ZC3H12B: variants seen among roughly 807,000 people sequenced by gnomAD.
The protein encoded by ZC3H12B is probable ribonuclease ZC3H12B.
Under a neutral mutation model 43.9 loss-of-function variants are expected in ZC3H12B, and 7 were observed. That is an observed-to-expected ratio of 0.16 (90% CI 0.09 to 0.30). The LOEUF (loss-of-function observed/expected upper bound fraction) is 0.30, where lower values mean the gene tolerates loss of function less well. Among genes scored for constraint, ZC3H12B ranks in the 10% least tolerant of loss-of-function variants. The probability of loss-of-function intolerance (pLI) is 1.00; values close to 1 mark genes in which losing one functional copy is unlikely to be tolerated. For missense variants in ZC3H12B, 475 were observed against 670.2 expected (o/e 0.71, Z 3.22); for synonymous variants, 222 against 241.7 (o/e 0.92, Z 0.76).
At chrX:65,340,958 A>C in the ZC3H12B span, among the ~76,000 whole-genome samples, 1 of 112,410 alleles carries the variant, frequency 8.9e-6, no homozygotes, top group Admixed American at 9.4e-5. Flanking sequence ...CTAAAAATCA[A>C]AATAAAATGG....
At chrX:65,119,636 A>G in the ZC3H12B span, among the ~76,000 whole-genome samples, 1 of 111,330 alleles carries the variant, frequency 9.0e-6, no homozygotes, top group Non-Finnish European at 1.9e-5. Flanking sequence ...GCAGTGCACA[A>G]TCTCTTTAGT....
the ZC3H12B span, among the ~76,000 whole-genome samples, chrX:65,107,692 A>G: frequency 9.1e-6 from 1 of 110,337 alleles, no homozygotes; most frequent in African/African-American, 3.3e-5. Context: ...TTCTCACGAG[A>G]TCTGATGGTT....
At chrX:65,249,720 A>G in the ZC3H12B span, among the ~76,000 whole-genome samples, 1 of 106,862 alleles carries the variant, frequency 9.4e-6, no homozygotes, top group East Asian at 3.0e-4. Context: ...TGTGTTGTCT[A>G]TGATTTCTTT....
At chrX:65,069,197 C>T in the ZC3H12B span, among the ~76,000 whole-genome samples, 93 of 107,235 alleles carry the variant, frequency 8.7e-4, 2 homozygotes, top group African/African-American at 2.0e-3. Context: ...CTGTTATTAT[C>T]GCTATGAATC....
chrX:65,296,319 A>T, the ZC3H12B span, among the ~76,000 whole-genome samples: 4 of 110,921 alleles, frequency 3.6e-5, no homozygotes, highest in African/African-American at 1.3e-4. Context: ...GGAAGCAAAG[A>T]CATAAGGATA....
the ZC3H12B span, among the ~76,000 whole-genome samples, chrX:65,204,938 T>G: frequency 8.9e-6 from 1 of 112,039 alleles, no homozygotes; most frequent in Non-Finnish European, 1.9e-5. Context: ...AGCAAGATCT[T>G]ATTTTTAAGA....
chrX:65,268,637 A>T, the ZC3H12B span, among the ~76,000 whole-genome samples: 8 of 112,714 alleles, frequency 7.1e-5, no homozygotes, highest in Non-Finnish European at 1.3e-4. Flanking sequence ...TACATTCACC[A>T]AATATAAAAC....
At chrX:65,228,194 T>A in the ZC3H12B span, among the ~76,000 whole-genome samples, 1 of 111,921 alleles carries the variant, frequency 8.9e-6, no homozygotes, top group Non-Finnish European at 1.9e-5. Context: ...CATGATCAAG[T>A]AGGCTTCATC....
intron 3 of ZC3H12B, among the ~76,000 whole-genome samples, chrX:65,481,974 C>A (rs980895970): frequency 9.0e-6 from 1 of 111,581 alleles, no homozygotes; most frequent in Non-Finnish European, 1.9e-5. Flanking sequence ...GGCTGCAATA[C>A]TGCAGCTACC....
intron 2 of ZC3H12B, among the ~76,000 whole-genome samples, chrX:65,371,389 C>A (rs1271208790): frequency 9.0e-6 from 1 of 111,388 alleles, no homozygotes; most frequent in African/African-American, 3.3e-5. Context: ...AGCCAGTACA[C>A]GATGGATCCA....
the ZC3H12B span, among the ~76,000 whole-genome samples, chrX:65,241,207 G>C: frequency 8.9e-6 from 1 of 112,105 alleles, no homozygotes; most frequent in Non-Finnish European, 1.9e-5. Flanking sequence ...GGGGGCTTTT[G>C]TTTAGGAAGA....
At chrX:65,163,639 G>T in the ZC3H12B span, among the ~76,000 whole-genome samples, 1 of 111,834 alleles carries the variant, frequency 8.9e-6, no homozygotes, top group South Asian at 3.7e-4. Context: ...CAGTATTAGG[G>T]TGGGAGTGAC....
chrX:65,113,433 T>G, the ZC3H12B span, among the ~76,000 whole-genome samples: 1 of 110,777 alleles, frequency 9.0e-6, no homozygotes, highest in African/African-American at 3.3e-5. Context: ...GTGTGTGGGC[T>G]CATGCCTGTA....
chrX:65,098,672 G>T, the ZC3H12B span, among the ~76,000 whole-genome samples: 83 of 110,661 alleles, frequency 7.5e-4, no homozygotes, highest in Non-Finnish European at 1.2e-3. Context: ...TCAGCCAAGG[G>T]AAGCCATGAG....
chrX:65,195,797 T>C, the ZC3H12B span, among the ~76,000 whole-genome samples: 1 of 112,101 alleles, frequency 8.9e-6, no homozygotes, highest in Non-Finnish European at 1.9e-5. Context: ...ACTAACACCT[T>C]TGTCCTACTG....
chrX:65,357,406 A>G, the ZC3H12B span: 1 of 186,577 alleles, frequency 5.4e-6, no homozygotes, highest in Non-Finnish European at 1.0e-5. Flanking sequence ...TGGCGCTCCC[A>G]GAGGAGAGCT....
At chrX:65,422,872 T>C (rs776450806) in intron 3 of ZC3H12B, among the ~76,000 whole-genome samples, 1 of 110,416 alleles carries the variant, frequency 9.1e-6, no homozygotes, top group Non-Finnish European at 1.9e-5. Context: ...CTCATCCTTT[T>C]TTGTGGCTGC....
At chrX:65,347,202 G>A in the ZC3H12B span, among the ~76,000 whole-genome samples, 2 of 111,463 alleles carry the variant, frequency 1.8e-5, no homozygotes, top group Non-Finnish European at 3.8e-5. Context: ...GCAGACTTGT[G>A]ACAGAGGGGC....
chrX:65,342,348 T>C, the ZC3H12B span, among the ~76,000 whole-genome samples: 3 of 111,752 alleles, frequency 2.7e-5, no homozygotes, highest in Admixed American at 9.5e-5. Flanking sequence ...AACAACAGAA[T>C]GTAGATACAT....
Sources: allele counts gnomAD v4.1 joint callset (sites outside exome capture counted in the v4.1 genomes callset), GRCh38; gene constraint gnomAD v4.1.1; transcripts MANE v1.5; gene names NCBI Gene and HGNC (gene_info 2026-07-23, HGNC 2026-07-21).